The following PRKN variants were observed in gnomAD, a reference collection of about 807,000 sequenced individuals.
The protein encoded by PRKN is E3 ubiquitin-protein ligase parkin.
A neutral mutation model predicts 59.5 loss-of-function variants in PRKN; 56 were observed. The observed-to-expected ratio is 0.94, with a 90% CI of 0.76 to 1.18. PRKN has a LOEUF of 1.18. Among genes scored for constraint, PRKN ranks in the 50% most tolerant of loss-of-function variants. The pLI, the probability that PRKN is intolerant of heterozygous loss-of-function variation, is 0.00. For missense variants in PRKN, 657 were observed against 596.4 expected (o/e 1.10, Z -1.06); for synonymous variants, 250 against 222.1 (o/e 1.13, Z -1.12).
At chr6:161,753,038 G>A (rs535203427) in intron 7 of PRKN, among the ~76,000 whole-genome samples, 17 of 152,292 alleles carry the variant, frequency 1.1e-4, no homozygotes, top group African/African-American at 3.4e-4. Context: ...AATCAAGACC[G>A]ACTTGGAAAC....
chr6:161,383,534 A>G (rs1187696419), intron 10 of PRKN, among the ~76,000 whole-genome samples: 1 of 152,172 alleles, frequency 6.6e-6, no homozygotes, highest in Non-Finnish European at 1.5e-5. Context: ...GGCAGGAGGC[A>G]AGATGTCCAT....
At chr6:161,537,859 C>T (rs576539077) in intron 9 of PRKN, among the ~76,000 whole-genome samples, 3 of 152,196 alleles carry the variant, frequency 2.0e-5, no homozygotes, top group South Asian at 2.1e-4. Flanking sequence ...CATGGGGAGG[C>T]GGCCACGGGA....
intron 5 of PRKN, among the ~76,000 whole-genome samples, chr6:161,980,482 G>C (rs1006247441): frequency 6.6e-6 from 1 of 152,202 alleles, no homozygotes; most frequent in Non-Finnish European, 1.5e-5. Flanking sequence ...AATTGAATGA[G>C]ATTAGTTATA....
intron 1 of PRKN, among the ~76,000 whole-genome samples, chr6:162,528,076 C>G (rs1004555663): frequency 2.3e-3 from 51 of 22,002 alleles, no homozygotes; most frequent in African/African-American, 4.0e-3. Context: ...GGCGGGGGGG[C>G]GGGAGGGGTG....
chr6:161,583,523 G>T (rs759161386), intron 7 of PRKN, among the ~76,000 whole-genome samples: 13 of 151,618 alleles, frequency 8.6e-5, no homozygotes, highest in African/African-American at 3.2e-4. Flanking sequence ...CTTTTTAAAG[G>T]TGTTTTTCAA....
chr6:162,644,977 G>A (rs1778112009), intron 1 of PRKN, among the ~76,000 whole-genome samples: 1 of 152,076 alleles, frequency 6.6e-6, no homozygotes, highest in South Asian at 2.1e-4. Flanking sequence ...TATAGTAATA[G>A]TCATAGTTTA....
At position 162,342,723 on chromosome 6, in the gene PRKN, G is replaced by A. The variant is rs188453835; in HGVS notation, c.172-79958C>T. On this transcript the variant is annotated intron_variant, in intron 2 of 11. Transcript: ENST00000366898. The stretch of plus-strand genomic sequence containing the variant: ...CTAAGCTCTTGTGTTGTCATTTGCC[G>A]CATGACACAGACATAGAAACTAGAG... Among the ~76,000 whole-genome samples, 302 of 152,196 alleles carry A rather than the reference G, an allele frequency of 2.0e-3. 2 individuals carry two copies. The highest frequency in any genetic ancestry group is 7.0e-3 in the African/African-American group (292 of 41,530).
In PRKN at chr6:161,352,824, A is replaced by C. The variant is rs187668792; in HGVS notation, c.1286-2613T>G. 0.024 allele frequency among the ~76,000 whole-genome samples: 3,669 copies of C among 150,820 alleles called. 163 individuals carry two copies. The highest frequency in any genetic ancestry group is 0.085 in the African/African-American group (3,491 of 40,846). Reference sequence around the variant, plus strand: ...GAGATGGAGTCTCGCTCTGTCGCCCAGGCTGGAGTACAGGGCGCGATCTGG... The same window carrying C: ...GAGATGGAGTCTCGCTCTGTCGCCCCGGCTGGAGTACAGGGCGCGATCTGG... On this transcript the variant is annotated intron_variant, in intron 11 of 11. Transcript: ENST00000366898. The surrounding 1 kb of genome is among the most constrained non-coding windows in gnomAD (Gnocchi z 5.8).
chr6:162,701,892 C>T (rs1233244540), intron 1 of PRKN, among the ~76,000 whole-genome samples: 13 of 145,794 alleles, frequency 8.9e-5, no homozygotes, highest in African/African-American at 1.3e-4. Flanking sequence ...CACACCCCCC[C>T]GACAAAATGA....
chr6:161,795,983 A>G (rs1790831204), intron 6 of PRKN, among the ~76,000 whole-genome samples: 3 of 152,186 alleles, frequency 2.0e-5, no homozygotes, highest in South Asian at 2.1e-4. Flanking sequence ...TTATATTAAA[A>G]TATAATGATA....
intron 3 of PRKN, among the ~76,000 whole-genome samples, chr6:162,228,472 A>G (rs1054855847): frequency 6.6e-6 from 1 of 152,194 alleles, no homozygotes; most frequent in African/African-American, 2.4e-5. Flanking sequence ...CCTTTCCTGT[A>G]TAAATGTGAA....
At chr6:162,283,054 A>AT (rs1214830853) in intron 2 of PRKN, among the ~76,000 whole-genome samples, 4 of 150,964 alleles carry the variant, frequency 2.6e-5, no homozygotes, top group Non-Finnish European at 5.9e-5. Context: ...ATAGAATGGA[A>AT]TTTTTTTTCT....
intron 2 of PRKN, among the ~76,000 whole-genome samples, chr6:162,439,350 CT>C (rs1789939717): frequency 6.8e-6 from 1 of 147,890 alleles, no homozygotes; most frequent in Non-Finnish European, 1.5e-5. Context: ...TTCTCTCTCT[CT>C]CTCTCTCTCT....
chr6:162,072,965 G>A (rs1281085158), intron 4 of PRKN, among the ~76,000 whole-genome samples: 1 of 152,178 alleles, frequency 6.6e-6, no homozygotes, highest in Non-Finnish European at 1.5e-5. Flanking sequence ...AGACTCAGAA[G>A]ATCTAAGTTC....
chr6:161,762,357 C>T (rs544864890), intron 7 of PRKN, among the ~76,000 whole-genome samples: 51 of 152,242 alleles, frequency 3.3e-4, no homozygotes, highest in South Asian at 1.7e-3. Flanking sequence ...CAAGTTAGAA[C>T]AGAAAGCAAA....
rs201640028 is a variant in PRKN, at chr6:161,678,568, AT to A, written c.871+107203del. Among the ~76,000 whole-genome samples the A allele has an allele frequency of 7.5e-3, 909 of 121,400 alleles. 5 individuals are homozygous for A. Among genetic ancestry groups the A allele is most frequent in the Middle Eastern group, 0.036 (7 of 196 alleles). 79.6% of individuals were successfully genotyped at this position (121,400 alleles called of 152,430 possible). On this transcript the variant is annotated intron_variant, in intron 7 of 11. Coordinates refer to ENST00000366898, the MANE Select transcript of PRKN (RefSeq NM_004562.3). ...AATTCCACTCTTATTTTGGTGCCTG[AT>A]TTTTTTTTTTTTTTTTTTTTGAGAC...
At chr6:162,713,451 G>A (rs1200725317) in intron 1 of PRKN, among the ~76,000 whole-genome samples, 2 of 127,510 alleles carry the variant, frequency 1.6e-5, no homozygotes, top group African/African-American at 3.1e-5. Context: ...CCAAGATCGC[G>A]CCACCGCACT....
intron 1 of PRKN, among the ~76,000 whole-genome samples, chr6:162,610,809 T>A (rs912888634): frequency 6.6e-6 from 1 of 152,212 alleles, no homozygotes; most frequent in East Asian, 1.9e-4. Context: ...ATAGCAGGAA[T>A]CCTTAATTCA....
At chr6:162,610,401 A>G (rs1430585841) in intron 1 of PRKN, among the ~76,000 whole-genome samples, 1 of 152,238 alleles carries the variant, frequency 6.6e-6, no homozygotes, top group East Asian at 1.9e-4. Flanking sequence ...ATAAGTTTAT[A>G]ACGAATGTGC....
Sources: gnomAD v4.1 joint callset for allele counts (sites outside exome capture counted in the v4.1 genomes callset) on GRCh38, gnomAD v4.1.1 for gene constraint, Gnocchi (gnomAD v3.1) non-coding constraint, MANE v1.5 for transcripts, NCBI Gene and HGNC (gene_info 2026-07-23, HGNC 2026-07-21) for gene names.